The following RARG variants were observed in gnomAD, a reference collection of about 807,000 sequenced individuals.
The protein encoded by RARG is retinoic acid receptor gamma, also known as RAR-gamma.
RARG carries 17 observed loss-of-function variants against 43.7 expected under a neutral mutation model. That is an observed-to-expected ratio of 0.39 (90% confidence interval 0.27 to 0.58). RARG has a LOEUF of 0.58. RARG is among the 20% of genes least tolerant of loss of function. The pLI is 0.57. For synonymous variants in RARG, 238 were observed against 236.4 expected (o/e 1.01, Z -0.06); for missense variants, 346 against 598.7 (o/e 0.58, Z 4.40).
rs765139575 is a variant in RARG at position 53,213,424 on chromosome 12, C to G, written c.1018+72G>C. On this transcript the variant is annotated intron_variant, in intron 8 of 9. Transcript: ENST00000425354. This position sits in a 1 kb window ranked among gnomAD's most constrained non-coding sequence, Gnocchi z 4.7. ...CCACTGGGTCCTCCACGCCCCCTCC[C>G]AGACAGATTCCGCATGGAGTGGTGG... 8 of 1,556,998 alleles carry G rather than the reference C, an allele frequency of 5.1e-6. No homozygotes were observed. The highest frequency in any genetic ancestry group is 1.4e-5 in the African/African-American group (1 of 73,814).
Position 53,215,291 on chromosome 12 carries a change from A to G in RARG, c.475+2T>C. 1.2e-6 allele frequency: 2 copies of G among 1,613,908 alleles called. No homozygotes were observed. The highest frequency in any genetic ancestry group is 1.7e-6 in the Non-Finnish European group (2 of 1,179,880). ...CTGCCCAAGCCAAGGATGGCAGCCT[A>G]CCTTCCTTGGACATGCCCACTTCGA... On this transcript the variant is annotated splice_donor_variant, in intron 5 of 9. Coordinates refer to ENST00000425354, the MANE Select transcript of RARG (RefSeq NM_000966.6). LOFTEE classifies it high-confidence loss of function. This position sits in a 1 kb window ranked among gnomAD's most constrained non-coding sequence, Gnocchi z 6.4.
chr12:53,213,348 T>A lies in RARG; in HGVS notation c.1019-105A>T. On this transcript the variant is annotated intron_variant, in intron 8 of 9. Transcript: ENST00000425354. This position sits in a 1 kb window ranked among gnomAD's most constrained non-coding sequence, Gnocchi z 4.7. The stretch of plus-strand genomic sequence containing the variant: ...GGCGTTTTGGGAAGCCTGTACAGGG[T>A]TTCAGAACTCTCTGGATGGGGCCAG... 1.1e-5 allele frequency: 16 copies of A among 1,483,406 alleles called. No individual in the cohort carries two copies. Among genetic ancestry groups the A allele is most frequent in the Non-Finnish European group, 1.5e-5 (16 of 1,077,234 alleles). The allele number at this position is 1,483,406 out of a possible 1,614,324, so 91.9% of individuals were successfully genotyped here. A position where few individuals can be genotyped will look rare whatever the true frequency, so the allele number is the denominator to read the frequency against.
At position 53,215,408 on chromosome 12, in the gene RARG, C is replaced by T. The variant is rs1319859210; in HGVS notation, c.360G>A (p.Lys120=). ...CGCGGTGACACGTGTACACCATGTTCTTCTGGATGCTTCGGCGAAAGAAGC... is the reference window on the plus strand; with the variant it reads ...CGCGGTGACACGTGTACACCATGTTTTTCTGGATGCTTCGGCGAAAGAAGC... ...CKGFFRRSIQ[K]NMVYTCHRDK... Residue 120 remains lysine (K), a synonymous_variant, in exon 5 of 10, where the codon AAG becomes AAA. Transcript: ENST00000425354. This position sits in a 1 kb window ranked among gnomAD's most constrained non-coding sequence, Gnocchi z 6.4. 1.2e-6 allele frequency: 2 copies of T among 1,614,088 alleles called. No individual in the cohort carries two copies. The highest frequency in any genetic ancestry group is 2.2e-5 in the East Asian group (1 of 44,886).
chr12:53,220,235 C>T, intron 3 of RARG: 1 of 440,618 alleles, frequency 2.3e-6, no homozygotes, highest in Non-Finnish European at 4.3e-6. Flanking sequence ...GGGCTGCATG[C>T]GGGTAAGGGG....
At chr12:53,229,059 TC>T (rs1469121823) in intron 2 of RARG, among the ~76,000 whole-genome samples, 1 of 152,068 alleles carries the variant, frequency 6.6e-6, no homozygotes, top group Non-Finnish European at 1.5e-5. Flanking sequence ...CCTATCTTCA[TC>T]CCCTGACAAA....
chr12:53,210,906 TGGGGAGTAAAG>T lies in RARG; in HGVS notation c.*759_*769del, dbSNP rs1026688251. 4.6e-5 allele frequency: 7 copies of T among 151,814 alleles called. No homozygotes were observed. Among genetic ancestry groups the T allele is most frequent in the African/African-American group, 1.7e-4 (7 of 41,368 alleles). The allele number at this position is 151,814 out of a possible 1,614,324, so 9.4% of individuals were successfully genotyped here. A position where few individuals can be genotyped will look rare whatever the true frequency, so the allele number is the denominator to read the frequency against. On this transcript the variant is annotated 3_prime_UTR_variant, in exon 10 of 10. Transcript: ENST00000425354. ...CCCCCCTCCCTGGGCCAAGCTGCTCTGGGGAGTAAAGGGTGGAAGGCACTAGGGAGAGAGGG... is the reference window on the plus strand; with the variant it reads ...CCCCCCTCCCTGGGCCAAGCTGCTCTGGTGGAAGGCACTAGGGAGAGAGGG...
intron 3 of RARG, among the ~76,000 whole-genome samples, chr12:53,222,265 G>A (rs1942992517): frequency 6.7e-6 from 1 of 149,444 alleles, no homozygotes; most frequent in Non-Finnish European, 1.5e-5. Context: ...AAAGAAGAAA[G>A]AAAAAGGAAG....
rs560892386 is a variant in RARG at position 53,219,876 on chromosome 12, C to T, written c.185-4082G>A. 173 of 1,358,080 alleles carry T rather than the reference C, an allele frequency of 1.3e-4. No individual in the cohort carries two copies. In the African/African-American group the frequency reaches 2.3e-3, roughly 18 times the overall value. 84.1% of individuals were successfully genotyped at this position (1,358,080 alleles called of 1,614,324 possible). ...AGCTCCTCCTTGCACCTCAGTTCCA[C>T]TCTTTACACACGGAAAGAGTAAATC... On this transcript the variant is annotated intron_variant, in intron 3 of 9. Transcript: ENST00000425354.
At chr12:53,222,801 C>T (rs1219597944) in intron 3 of RARG, among the ~76,000 whole-genome samples, 1 of 152,086 alleles carries the variant, frequency 6.6e-6, no homozygotes, top group Non-Finnish European at 1.5e-5. Flanking sequence ...TCTAGTGCCC[C>T]CTCTTTTCCC....
intron 3 of RARG, among the ~76,000 whole-genome samples, chr12:53,222,677 G>A (rs1397450005): frequency 6.6e-6 from 1 of 152,076 alleles, no homozygotes; most frequent in Non-Finnish European, 1.5e-5. Context: ...TTGCATGGAG[G>A]GGGTCCTTAG....
In RARG at chr12:53,229,268, G is replaced by A. The variant is rs112039070; in HGVS notation, c.-142-1581C>T. ...TGGGCAGGCCCAGAGGTAGGGGATG[G>A]GTATATCTGCCTTTCTTTCCATCAG... On this transcript the variant is annotated intron_variant, in intron 2 of 9. Transcript: ENST00000425354. Among the ~76,000 whole-genome samples, 769 of 152,222 alleles carry A rather than the reference G, an allele frequency of 5.1e-3. 5 individuals are homozygous for A. The highest frequency in any genetic ancestry group is 0.018 in the African/African-American group (744 of 41,524).
Position 53,213,986 on chromosome 12 carries a change from G to A in RARG, c.813+73C>T. 6.7e-7 allele frequency: 1 copy of A among 1,493,684 alleles called. No homozygotes were observed. The highest frequency in any genetic ancestry group is 1.2e-5 in the South Asian group (1 of 81,016). 92.5% of individuals were successfully genotyped at this position (1,493,684 alleles called of 1,614,324 possible). A position where few individuals can be genotyped will look rare whatever the true frequency, so the allele number is the denominator to read the frequency against. ...GGGGGTGCAGGGTAAGGAAATCTTT[G>A]CATGGATCAAGGAATTGTTGAGGGT... On this transcript the variant is annotated intron_variant, in intron 7 of 9. Coordinates refer to ENST00000425354, the MANE Select transcript of RARG (RefSeq NM_000966.6). The surrounding 1 kb of genome is among the most constrained non-coding windows in gnomAD (Gnocchi z 4.7).
At chr12:53,212,737 T>TATATATAC (rs1272930364) in intron 9 of RARG, among the ~76,000 whole-genome samples, 10 of 133,766 alleles carry the variant, frequency 7.5e-5, no homozygotes, top group African/African-American at 2.9e-4. Flanking sequence ...AATATATATA[T>TATATATAC]ACACACACAC....
intron 3 of RARG, among the ~76,000 whole-genome samples, chr12:53,221,185 G>A (rs1942951416): frequency 8.3e-6 from 1 of 120,088 alleles, no homozygotes; most frequent in African/African-American, 3.1e-5. Context: ...AGCGCAGCCA[G>A]AGTCTACCCC....
Position 53,227,565 on chromosome 12 carries a change from T to G in RARG, c.-20A>C. 6.6e-7 allele frequency: 1 copy of G among 1,523,684 alleles called. No homozygotes were observed. The highest frequency in any genetic ancestry group is 1.4e-5 in the African/African-American group (1 of 71,872). The allele number at this position is 1,523,684 out of a possible 1,614,324, so 94.4% of individuals were successfully genotyped here. On this transcript the variant is annotated 5_prime_UTR_variant, in exon 3 of 10. Transcript: ENST00000425354. The surrounding 1 kb of genome is among the most constrained non-coding windows in gnomAD (Gnocchi z 4.3). Reference sequence around the variant, plus strand: ...GGCCATGGCAGCTGCGGTGTGAGAGTCCCCTGGGGTCTGCAGTGGGCGGGC... The same window carrying G: ...GGCCATGGCAGCTGCGGTGTGAGAGGCCCCTGGGGTCTGCAGTGGGCGGGC...
Position 53,213,540 on chromosome 12 carries a change from T to G in RARG, c.974A>C (p.Asp325Ala). Residue 325 changes from aspartate (D) to alanine (A), a missense_variant, in exon 8 of 10, where the codon GAC becomes GCC. Physicochemically the swap from Asp to Ala is moderately radical, Grantham distance 126. Coordinates refer to ENST00000425354, the MANE Select transcript of RARG (RefSeq NM_000966.6). The surrounding 1 kb of genome is among the most constrained non-coding windows in gnomAD (Gnocchi z 4.7). ...GGCGCTGAGCAGCCCTGTCTCGGTG[T>G]CATCCATCTCCAGGGGCAGGAGCTG... ...AGQLLPLEMD[D>A]TETGLLSAIC... 1 of 1,613,392 alleles carries G rather than the reference T, an allele frequency of 6.2e-7. No homozygotes were observed. Among genetic ancestry groups the G allele is most frequent in the East Asian group, 2.2e-5 (1 of 44,840 alleles).
At chr12:53,214,012 C>G in intron 7 of RARG, 47 bp downstream of exon 7, 2 of 1,566,314 alleles carry the variant, frequency 1.3e-6, no homozygotes, top group Middle Eastern at 3.4e-4. Flanking sequence ...TGTTGAGGGT[C>G]CCATATGTGG....
At position 53,227,617 on chromosome 12, in the gene RARG, A is replaced by G; in HGVS notation, c.-72T>C. 2 of 1,388,136 alleles carry G rather than the reference A, an allele frequency of 1.4e-6. No homozygotes were observed. The highest frequency in any genetic ancestry group is 1.7e-5 in the South Asian group (1 of 60,446). 86.0% of individuals were successfully genotyped at this position (1,388,136 alleles called of 1,614,324 possible). ...AGGTCTTCAGCCACAGCCCCTGCCCATGCCCACTGCCCCAGCCTGGGAGGC... is the reference window on the plus strand; with the variant it reads ...AGGTCTTCAGCCACAGCCCCTGCCCGTGCCCACTGCCCCAGCCTGGGAGGC... On this transcript the variant is annotated 5_prime_UTR_variant, in exon 3 of 10. An upstream start codon of the reference 5' UTR is lost. Coordinates refer to ENST00000425354, the MANE Select transcript of RARG (RefSeq NM_000966.6). This position sits in a 1 kb window ranked among gnomAD's most constrained non-coding sequence, Gnocchi z 4.3.
chr12:53,224,164 C>T (rs1278968197), intron 3 of RARG, among the ~76,000 whole-genome samples: 1 of 152,102 alleles, frequency 6.6e-6, no homozygotes, highest in Non-Finnish European at 1.5e-5. Flanking sequence ...GAGCACAGGC[C>T]TGTGCTTGCC....
Sources: allele counts gnomAD v4.1 joint callset (sites outside exome capture counted in the v4.1 genomes callset), GRCh38; gene constraint gnomAD v4.1.1; non-coding constraint Gnocchi (gnomAD v3.1); transcripts MANE v1.5; gene names NCBI Gene and HGNC (gene_info 2026-07-23, HGNC 2026-07-21).